ALG10: variants seen among roughly 807,000 people sequenced by gnomAD.
ALG10 encodes ALG10 alpha-1,2-glucosyltransferase.
Under a neutral mutation model 39.2 loss-of-function variants are expected in ALG10, and 25 were observed. The ratio of observed to expected loss-of-function variants is 0.64; its 90% CI spans 0.46 to 0.89. ALG10 has a LOEUF of 0.89. ALG10 is among the 40% of genes least tolerant of loss of function. ALG10 has a pLI of 0.00. For synonymous variants in ALG10, 184 were observed against 193.9 expected (o/e 0.95, Z 0.42); for missense variants, 486 against 546.6 (o/e 0.89, Z 1.11).
chr12:34,025,819 T>A lies in ALG10; in HGVS notation c.370-44T>A, dbSNP rs556090431. On this transcript the variant is annotated intron_variant, in intron 2 of 2. Coordinates refer to ENST00000266483, the MANE Select transcript of ALG10 (RefSeq NM_032834.4). ...CATTAGGTAAGCAGAAATAGCATTT[T>A]TTGTCATGAAAATAATTTTATCTGT... is the stretch of plus-strand genomic sequence containing the variant. 5.2e-5 allele frequency: 83 copies of A among 1,610,654 alleles called. 1 individual carries two copies. The South Asian group carries it at 8.9e-4, about 17-fold the overall frequency.
At chr12:34,023,825 G>T (rs1942804256) in intron 1 of ALG10, 137 bp from the exon 2 acceptor site, 10 of 1,200,816 alleles carry the variant, frequency 8.3e-6, no homozygotes, top group Non-Finnish European at 1.2e-5. Flanking sequence ...TTCTGCCAAG[G>T]ACTTACTTAA....
In ALG10 at chr12:34,022,539, G is replaced by C; in HGVS notation, c.-61G>C. On this transcript the variant is annotated 5_prime_UTR_variant, in exon 1 of 3. Transcript: ENST00000266483. Reference sequence around the variant, plus strand: ...CATTTCGAGCCCAAGTTTCCAGCTCGGGTTTCCAGGCTCAGAATTTTCCAG... The same window carrying C: ...CATTTCGAGCCCAAGTTTCCAGCTCCGGTTTCCAGGCTCAGAATTTTCCAG... 6.2e-7 allele frequency: 1 copy of C among 1,613,408 alleles called. No individual in the cohort carries two copies. The highest frequency in any genetic ancestry group is 8.5e-7 in the Non-Finnish European group (1 of 1,179,732).
rs764726349 is a variant in ALG10, at chr12:34,022,776, G to T, written c.171+6G>T. 1.9e-6 allele frequency: 3 copies of T among 1,613,924 alleles called. No individual in the cohort carries two copies. The highest frequency in any genetic ancestry group is 1.3e-5 in the African/African-American group (1 of 74,880). On this transcript the variant is annotated splice_donor_region_variant and intron_variant, in intron 1 of 2. Transcript: ENST00000266483. ...GCCATTTCTCCCTTTCCCAGGTGGG[G>T]TCCCCAACCTGTCCCCACCCCAGGA...
intron 2 of ALG10, among the ~76,000 whole-genome samples, chr12:34,025,045 C>A (rs1469208510): frequency 3.9e-5 from 6 of 152,000 alleles, no homozygotes; most frequent in Non-Finnish European, 4.4e-5. Flanking sequence ...CAACGAGTTG[C>A]AGGGAATTGG....
At chr12:34,023,916 G>T (rs748008476) in intron 1 of ALG10, 46 bp from the exon 2 acceptor site, 6 of 1,609,064 alleles carry the variant, frequency 3.7e-6, no homozygotes, top group African/African-American at 2.7e-5. Flanking sequence ...TGCCTGTCTT[G>T]TTCCTATTAC....
chr12:34,024,831 A>C (rs902487910), intron 2 of ALG10, among the ~76,000 whole-genome samples: 1 of 152,212 alleles, frequency 6.6e-6, no homozygotes, highest in African/African-American at 2.4e-5. Flanking sequence ...AGAGTGGTAA[A>C]CATAAGATGC....
Position 34,026,729 on chromosome 12 carries a change from G to A in ALG10, c.1236G>A (p.Leu412=), listed in dbSNP as rs1164036971. 1 of 1,613,884 alleles carries A rather than the reference G, an allele frequency of 6.2e-7. No homozygotes were observed. Among genetic ancestry groups the A allele is most frequent in the Non-Finnish European group, 8.5e-7 (1 of 1,179,868 alleles). Residue 412 remains leucine, a synonymous_variant, in exon 3 of 3, where the codon CTG becomes CTA. Coordinates refer to ENST00000266483, the MANE Select transcript of ALG10 (RefSeq NM_032834.4). ...CLFTVIVPQK[L]LEFRYFILPY... ...TCACTGTTATAGTTCCTCAGAAACT[G>A]CTGGAATTTCGTTACTTCATTTTAC...
Position 34,026,535 on chromosome 12 carries a change from C to T in ALG10, c.1042C>T (p.Leu348=), listed in dbSNP as rs553709023. 1 of 1,613,724 alleles carries T rather than the reference C, an allele frequency of 6.2e-7. No homozygotes were observed. The highest frequency in any genetic ancestry group is 1.6e-4 in the Middle Eastern group (1 of 6,062). The part of the protein sequence containing the change: ...WKFTYAHKYL[L]ADNRHYTFYV... ...ATTCACTTATGCTCATAAATACTTGCTAGCAGACAATAGACATTATACTTT... is the reference window on the plus strand; with the variant it reads ...ATTCACTTATGCTCATAAATACTTGTTAGCAGACAATAGACATTATACTTT... The change falls in exon 3 of 3, where the codon CTA becomes TTA. Residue 348 remains leucine (L), a synonymous_variant. Transcript: ENST00000266483.
intron 1 of ALG10, 57 bp downstream of exon 1, chr12:34,022,827 C>G: frequency 6.2e-7 from 1 of 1,610,260 alleles, no homozygotes; most frequent in Non-Finnish European, 8.5e-7. Flanking sequence ...CCAGCGTCCC[C>G]ACGTCCTCCC....
At position 34,022,592 on chromosome 12, in the gene ALG10, G is replaced by C. The variant is rs1942789050; in HGVS notation, c.-8G>C. On this transcript the variant is annotated 5_prime_UTR_variant, in exon 1 of 3. Transcript: ENST00000266483. ...GTAGGTTCTTGGGCAGTGGCTGTGG[G>C]AGCTGGAATGGCGCAGCTGGAAGGT... The C allele has an allele frequency of 4.3e-6, 7 of 1,614,052 alleles. No individual in the cohort carries two copies. The highest frequency in any genetic ancestry group is 5.9e-6 in the Non-Finnish European group (7 of 1,179,982).
rs1942845093 is a variant in ALG10 at position 34,027,317 on chromosome 12, A to C, written c.*402A>C. 1 of 153,400 alleles carries C rather than the reference A, an allele frequency of 6.5e-6. No homozygotes were observed. The highest frequency in any genetic ancestry group is 1.5e-5 in the Non-Finnish European group (1 of 68,644). 9.5% of individuals were successfully genotyped at this position (153,400 alleles called of 1,614,324 possible). On this transcript the variant is annotated 3_prime_UTR_variant, in exon 3 of 3. Transcript: ENST00000266483. The stretch of plus-strand genomic sequence containing the variant: ...AAAGTAATTGTGGTTTTTGCCATTG[A>C]AAGTAATGGCAAAACCACAATTACT...
At position 34,026,577 on chromosome 12, in the gene ALG10, G is replaced by A. The variant is rs867706438; in HGVS notation, c.1084G>A (p.Val362Ile). The A allele has an allele frequency of 1.2e-6, 2 of 1,613,798 alleles. No individual in the cohort carries two copies. Among genetic ancestry groups the A allele is most frequent in the African/African-American group, 2.7e-5 (2 of 75,016 alleles). ...RHYTFYVWKR[V>I]FQRYETVKYL... ...TTATACTTTCTATGTGTGGAAAAGAGTTTTTCAAAGATATGAAACTGTAAA... is the reference window on the plus strand; with the variant it reads ...TTATACTTTCTATGTGTGGAAAAGAATTTTTCAAAGATATGAAACTGTAAA... Residue 362 changes from valine to isoleucine, a missense_variant, in exon 3 of 3, where the codon GTT becomes ATT. Transcript: ENST00000266483.
intron 2 of ALG10, 110 bp downstream of exon 2, chr12:34,024,269 G>A (rs149154770): frequency 9.3e-6 from 12 of 1,291,732 alleles, no homozygotes; most frequent in Middle Eastern, 4.3e-4. Flanking sequence ...TTGTAACTTT[G>A]TATTTTTGTA....
At chr12:34,024,247 G>A in intron 2 of ALG10, 88 bp downstream of exon 2, 2 of 1,473,540 alleles carry the variant, frequency 1.4e-6, no homozygotes, top group East Asian at 2.3e-5. Flanking sequence ...GGTGAAAAAT[G>A]TCTTTAACAC....
Position 34,026,738 on chromosome 12 carries a change from T to C in ALG10, c.1245T>C (p.Phe415=), listed in dbSNP as rs1411340630. 1.2e-6 allele frequency: 2 copies of C among 1,613,828 alleles called. No individual in the cohort carries two copies. The highest frequency in any genetic ancestry group is 1.7e-6 in the Non-Finnish European group (2 of 1,179,884). The change falls in exon 3 of 3, where the codon TTT becomes TTC. Residue 415 remains phenylalanine (F), a synonymous_variant. Coordinates refer to ENST00000266483, the MANE Select transcript of ALG10 (RefSeq NM_032834.4). ...TAGTTCCTCAGAAACTGCTGGAATTTCGTTACTTCATTTTACCTTATGTCA... is the reference window on the plus strand; with the variant it reads ...TAGTTCCTCAGAAACTGCTGGAATTCCGTTACTTCATTTTACCTTATGTCA... The part of the protein sequence containing the change: ...TVIVPQKLLE[F]RYFILPYVIY...
chr12:34,022,904 G>C, intron 1 of ALG10, 134 bp downstream of exon 1: 1 of 1,218,738 alleles, frequency 8.2e-7, no homozygotes, highest in Non-Finnish European at 1.1e-6. Context: ...ACTGGGTATA[G>C]TCTTTTGTTC....
intron 2 of ALG10, among the ~76,000 whole-genome samples, chr12:34,024,750 G>T (rs1306939552): frequency 6.6e-6 from 1 of 152,210 alleles, no homozygotes; most frequent in East Asian, 1.9e-4. Context: ...ATATAGTAAG[G>T]GTTCAGTAAA....
In ALG10 at chr12:34,026,179, A is replaced by G; in HGVS notation, c.686A>G (p.Glu229Gly). The G allele has an allele frequency of 6.2e-7, 1 of 1,614,082 alleles. No individual in the cohort carries two copies. Among genetic ancestry groups the G allele is most frequent in the Middle Eastern group, 1.6e-4 (1 of 6,062 alleles). ...CCACCTATTAAAGGACCATTTGCAG[A>G]ATTCAGAAAAATTCTTCAGTTTCTT... is the stretch of plus-strand genomic sequence containing the variant. ...RLPPIKGPFA[E>G]FRKILQFLLA... The change falls in exon 3 of 3, where the codon GAA (glutamate) becomes GGA (glycine). Residue 229 changes from glutamate to glycine, a missense_variant. Physicochemically the swap from Glu to Gly is moderately conservative, Grantham distance 98. Coordinates refer to ENST00000266483, the MANE Select transcript of ALG10 (RefSeq NM_032834.4).
rs369163100 is a variant in ALG10 at position 34,022,633 on chromosome 12, G to T, written c.34G>T (p.Ala12Ser). 11 of 1,614,008 alleles carry T rather than the reference G, an allele frequency of 6.8e-6. No homozygotes were observed. The highest frequency in any genetic ancestry group is 5.3e-5 in the African/African-American group (4 of 74,910). ...GCTGGAAGGTTACTATTTCTCGGCC[G>T]CCTTGAGCTGTACCTTTTTAGTATC... ...AQLEGYYFSAALSCTFLVSCL... is the reference protein window; with the variant it reads ...AQLEGYYFSASLSCTFLVSCL... Residue 12 changes from alanine (A) to serine (S), a missense_variant, in exon 1 of 3, where the codon GCC becomes TCC. Coordinates refer to ENST00000266483, the MANE Select transcript of ALG10 (RefSeq NM_032834.4).
Sources: allele counts gnomAD v4.1 joint callset (sites outside exome capture counted in the v4.1 genomes callset), GRCh38; gene constraint gnomAD v4.1.1; transcripts MANE v1.5; gene names NCBI Gene and HGNC (gene_info 2026-07-23, HGNC 2026-07-21).